FMN2: variants seen among roughly 807,000 people sequenced by gnomAD.
FMN2 encodes the protein formin-2.
FMN2 carries 51 observed loss-of-function variants against 142.3 expected under a neutral mutation model. The observed-to-expected ratio is 0.36, with a 90% CI of 0.29 to 0.45. The LOEUF (loss-of-function observed/expected upper bound fraction) is 0.45. Among genes scored for constraint, FMN2 ranks in the 20% least tolerant of loss-of-function variants. The pLI is 1.00. For synonymous variants in FMN2, 882 were observed against 869.8 expected (o/e 1.01, Z -0.25); for missense variants, 1,936 against 2,122.8 (o/e 0.91, Z 1.73).
chr1:240,370,364 G>A (rs959145885), intron 14 of FMN2, among the ~76,000 whole-genome samples: 2 of 151,810 alleles, frequency 1.3e-5, no homozygotes, highest in African/African-American at 2.4e-5. Flanking sequence ...ACATTAGTAC[G>A]TTCTTCTTAA....
intron 13 of FMN2, 89 bp downstream of exon 13, chr1:240,334,318 C>CT (rs1671490353): frequency 2.2e-6 from 3 of 1,376,502 alleles, no homozygotes; most frequent in Admixed American, 5.4e-5. Context: ...GAAAAGTAAT[C>CT]TTTTTTATCT....
At chr1:240,146,348 T>C (rs12034263) in intron 2 of FMN2, among the ~76,000 whole-genome samples, 65,543 of 143,582 alleles carry the variant, frequency 0.46, 16,084 homozygotes, top group South Asian at 0.64. Context: ...GAGCTGAGAT[T>C]GTGCCACTGC....
At chr1:240,339,182 G>A (rs1671665553) in intron 13 of FMN2, among the ~76,000 whole-genome samples, 1 of 152,168 alleles carries the variant, frequency 6.6e-6, no homozygotes, top group South Asian at 2.1e-4. Context: ...ACCCATCTGT[G>A]GCCCAGGGGT....
intron 1 of FMN2, among the ~76,000 whole-genome samples, chr1:240,116,651 G>A (rs959212493): frequency 1.3e-5 from 2 of 152,168 alleles, no homozygotes; most frequent in African/African-American, 2.4e-5. Flanking sequence ...AGCACTTTGG[G>A]AGGTTGAAGC....
In FMN2 at chr1:240,456,751, C is replaced by T. The variant is rs116267442; in HGVS notation, c.5061-15621C>T. ...AATCGTAGGCGTGAGCCACTGCACC[C>T]GGCGGAAGAGTGCTGAATTCTAAAA... On this transcript the variant is annotated intron_variant, in intron 16 of 17. Coordinates refer to ENST00000319653, the MANE Select transcript of FMN2 (RefSeq NM_020066.5). Among the ~76,000 whole-genome samples the T allele has an allele frequency of 2.8e-3, 434 of 152,282 alleles. 4 individuals carry two copies. The highest frequency in any genetic ancestry group is 9.7e-3 in the African/African-American group (404 of 41,554).
chr1:240,212,789 G>A (rs1666743291), intron 6 of FMN2, among the ~76,000 whole-genome samples: 1 of 152,164 alleles, frequency 6.6e-6, no homozygotes, highest in African/African-American at 2.4e-5. Context: ...CGAGGAATAT[G>A]GGTGGGGCTT....
intron 6 of FMN2, chr1:240,235,959 A>C (rs1235020797): frequency 6.6e-6 from 1 of 151,996 alleles, no homozygotes; most frequent in African/African-American, 2.4e-5. Context: ...CTAGTTTTTT[A>C]ATATCTTAGG....
intron 15 of FMN2, among the ~76,000 whole-genome samples, chr1:240,425,520 G>A (rs1001482269): frequency 8.6e-5 from 13 of 152,010 alleles, no homozygotes; most frequent in African/African-American, 3.1e-4. Flanking sequence ...CATTTCCGGA[G>A]CTACCTGCCA....
At chr1:240,391,825 C>CAA (rs71638662) in intron 14 of FMN2, among the ~76,000 whole-genome samples, 1 of 139,656 alleles carries the variant, frequency 7.2e-6, no homozygotes, top group East Asian at 2.0e-4. Flanking sequence ...GCTTACTTGT[C>CAA]AAAAAAAAAA....
intron 8 of FMN2, among the ~76,000 whole-genome samples, chr1:240,309,579 T>G (rs1486310894): frequency 6.6e-6 from 1 of 152,002 alleles, no homozygotes; most frequent in Non-Finnish European, 1.5e-5. Context: ...GCTGCTGGGG[T>G]GTGGCAGAGC....
At chr1:240,176,820 G>T (rs548106303) in intron 2 of FMN2, among the ~76,000 whole-genome samples, 4 of 152,282 alleles carry the variant, frequency 2.6e-5, no homozygotes, top group Non-Finnish European at 5.9e-5. Context: ...CAACGCTGAG[G>T]CTAACCCCAG....
intron 14 of FMN2, among the ~76,000 whole-genome samples, chr1:240,376,128 A>T (rs1222596259): frequency 1.3e-5 from 2 of 152,036 alleles, no homozygotes; most frequent in Non-Finnish European, 2.9e-5. Context: ...GCCTATTTTT[A>T]ATACAGCTAC....
intron 8 of FMN2, among the ~76,000 whole-genome samples, chr1:240,305,943 G>A (rs1670374190): frequency 7.6e-6 from 1 of 131,738 alleles, no homozygotes; most frequent in Non-Finnish European, 1.6e-5. Flanking sequence ...GACTAGATAT[G>A]CTTGTAAGTT....
intron 1 of FMN2, among the ~76,000 whole-genome samples, chr1:240,111,426 C>A (rs1426875256): frequency 2.6e-5 from 4 of 152,102 alleles, no homozygotes; most frequent in African/African-American, 9.7e-5. Flanking sequence ...TGCTGGTTGC[C>A]CATTTTTATG....
At chr1:240,204,380 G>T (rs1666245115) in intron 4 of FMN2, among the ~76,000 whole-genome samples, 1 of 152,162 alleles carries the variant, frequency 6.6e-6, no homozygotes, top group Non-Finnish European at 1.5e-5. Context: ...TGGGAGGGTG[G>T]CTTAAGCCCA....
At chr1:240,133,665 G>A (rs1284105192) in intron 2 of FMN2, among the ~76,000 whole-genome samples, 3 of 151,980 alleles carry the variant, frequency 2.0e-5, no homozygotes, top group South Asian at 4.2e-4. Context: ...GGCTCTGTGG[G>A]CACCTCTACT....
At chr1:240,340,437 C>G (rs561220063) in intron 13 of FMN2, among the ~76,000 whole-genome samples, 1 of 152,060 alleles carries the variant, frequency 6.6e-6, no homozygotes, top group Admixed American at 6.6e-5. Context: ...AAAAATGAAC[C>G]GGGCATGGTG....
In FMN2 at chr1:240,207,189, C is replaced by T. The variant is rs780928554; in HGVS notation, c.2377C>T (p.Arg793Ter). The T allele has an allele frequency of 5.0e-6, 8 of 1,613,842 alleles. No individual in the cohort carries two copies. The highest frequency in any genetic ancestry group is 1.3e-5 in the African/African-American group (1 of 74,846). The stretch of plus-strand genomic sequence containing the variant: ...GATTTCTTTGATTGTGTCTCCAAGG[C>T]GAATATCAGTCCAGCTCGACAGCCA... ...SEISLIVSPR[R>*]ISVQLDSHQP... is the part of the protein sequence containing the mutation. Residue 793 changes from arginine to a stop codon, truncating the protein, a stop_gained, in exon 5 of 18, where the codon CGA becomes TGA. Coordinates refer to ENST00000319653, the MANE Select transcript of FMN2 (RefSeq NM_020066.5). LOFTEE classifies it high-confidence loss of function.
chr1:240,185,228 G>A (rs201545421), intron 3 of FMN2, among the ~76,000 whole-genome samples: 2 of 144,812 alleles, frequency 1.4e-5, no homozygotes, highest in East Asian at 2.0e-4. Context: ...CTTTTATTCT[G>A]TATTGTTTTC....
Sources: allele counts gnomAD v4.1 joint callset (sites outside exome capture counted in the v4.1 genomes callset), GRCh38; gene constraint gnomAD v4.1.1; transcripts MANE v1.5; gene names NCBI Gene and HGNC (gene_info 2026-07-23, HGNC 2026-07-21).